Variants in PLCB4 observed in about 807,000 individuals in gnomAD.
The protein encoded by PLCB4 is 1-phosphatidylinositol 4,5-bisphosphate phosphodiesterase beta-4.
In PLCB4, 77 loss-of-function variants were observed where a neutral mutation model predicts 178.8. That is an observed-to-expected ratio of 0.43 (90% CI 0.36 to 0.52). The LOEUF (loss-of-function observed/expected upper bound fraction) is 0.52. PLCB4 is among the 20% of genes least tolerant of loss of function. PLCB4 has a pLI of 0.00. For missense variants in PLCB4, 1,024 were observed against 1,453.4 expected (o/e 0.70, Z 4.80); for synonymous variants, 496 against 490.8 (o/e 1.01, Z -0.14).
At chr20:9,135,745 C>G (rs1351761338) in intron 2 of PLCB4, among the ~76,000 whole-genome samples, 1 of 152,096 alleles carries the variant, frequency 6.6e-6, no homozygotes, top group Non-Finnish European at 1.5e-5. Flanking sequence ...TCTTTACTTT[C>G]TAAAATTTCT....
intron 2 of PLCB4, among the ~76,000 whole-genome samples, chr20:9,123,277 CTG>C (rs1296361019): frequency 1.3e-5 from 2 of 152,138 alleles, no homozygotes; most frequent in East Asian, 3.9e-4. Context: ...CTTTGAAAAT[CTG>C]TGTACTTTGA....
chr20:9,479,002 C>T lies in PLCB4; in HGVS notation c.3614C>T (p.Ala1205Val). ...AACAGTAGTATGAAACTCCAAAATGCAAACTGAAGCAGCAAACCCACAAAG... is the reference window on the plus strand; with the variant it reads ...AACAGTAGTATGAAACTCCAAAATGTAAACTGAAGCAGCAAACCCACAAAG... ...TSNSSMKLQN[A>V]N is the part of the protein sequence containing the mutation. Residue 1205 changes from alanine (A) to valine (V), a missense_variant, in exon 40 of 40, where the codon GCA becomes GTA. By Grantham distance (64) the Ala-to-Val change is moderately conservative. Transcript: ENST00000378473. The T allele has an allele frequency of 6.2e-7, 1 of 1,610,814 alleles. No individual in the cohort carries two copies. Among genetic ancestry groups the T allele is most frequent in the Non-Finnish European group, 8.5e-7 (1 of 1,177,272 alleles).
In PLCB4 at chr20:9,209,850, G is replaced by T. The variant is rs1426063436; in HGVS notation, c.-78-7540G>T. 2.0e-5 allele frequency among the ~76,000 whole-genome samples: 3 copies of T among 150,468 alleles called. No individual in the cohort carries two copies. In the East Asian group the frequency reaches 5.9e-4, roughly 30 times the overall value. On this transcript the variant is annotated intron_variant, in intron 2 of 39. Transcript: ENST00000378473. ...GTGGTGGCGGGCGCCTGTAGTCCCA[G>T]TTACTCGGGAAGCTGAGGCAGGAGA...
intron 4 of PLCB4, among the ~76,000 whole-genome samples, chr20:9,328,831 G>C (rs1383430608): frequency 2.0e-5 from 3 of 152,212 alleles, no homozygotes; most frequent in Non-Finnish European, 4.4e-5. Context: ...TCAGAGTGAG[G>C]TTAAGAGTGG....
At chr20:9,300,559 T>C (rs1322022992) in intron 3 of PLCB4, among the ~76,000 whole-genome samples, 2 of 152,140 alleles carry the variant, frequency 1.3e-5, no homozygotes, top group Non-Finnish European at 1.5e-5. Context: ...ATTGCTGAGA[T>C]GCAAAATTGT....
intron 2 of PLCB4, among the ~76,000 whole-genome samples, chr20:9,103,339 C>T (rs911635638): frequency 1.5e-4 from 23 of 152,174 alleles, no homozygotes; most frequent in African/African-American, 5.3e-4. Flanking sequence ...TTTTAAATAA[C>T]AGTGATAAAC....
intron 4 of PLCB4, among the ~76,000 whole-genome samples, chr20:9,309,335 T>A (rs75000656): frequency 0.019 from 2,957 of 152,306 alleles, 78 homozygotes; most frequent in African/African-American, 0.066. Context: ...GTTTGATTGG[T>A]GAACTCCTCT....
intron 3 of PLCB4, among the ~76,000 whole-genome samples, chr20:9,272,813 A>G (rs1601546046): frequency 6.6e-6 from 1 of 152,026 alleles, no homozygotes; most frequent in Admixed American, 6.6e-5. Flanking sequence ...TGGTGTCATG[A>G]AAAGGCTCTC....
chr20:9,331,688 A>C (rs1429232193), intron 4 of PLCB4, among the ~76,000 whole-genome samples: 1 of 152,194 alleles, frequency 6.6e-6, no homozygotes, highest in Non-Finnish European at 1.5e-5. Context: ...AGTAACTTGA[A>C]TCTTTGAAAA....
At chr20:9,249,260 G>A (rs1433108212) in intron 3 of PLCB4, among the ~76,000 whole-genome samples, 1 of 151,512 alleles carries the variant, frequency 6.6e-6, no homozygotes, top group Non-Finnish European at 1.5e-5. Flanking sequence ...TAGGGTACAT[G>A]TGCACAACAC....
rs997077542 is a variant in PLCB4 at position 9,194,548 on chromosome 20, C to T, written c.-78-22842C>T. ...CTAAAAATACAAAAAATTAGCCGGG[C>T]GTGGTGGCAGGCCAGGCGCCTGTAG... On this transcript the variant is annotated intron_variant, in intron 2 of 39. Coordinates refer to ENST00000378473, the MANE Select transcript of PLCB4 (RefSeq NM_001377142.1). Among the ~76,000 whole-genome samples the T allele has an allele frequency of 9.2e-5, 14 of 151,536 alleles. 1 individual carries two copies. Among genetic ancestry groups the T allele is most frequent in the Admixed American group, 6.6e-4 (10 of 15,218 alleles).
intron 4 of PLCB4, among the ~76,000 whole-genome samples, chr20:9,313,186 T>G (rs2094856627): frequency 6.6e-6 from 1 of 152,250 alleles, no homozygotes; most frequent in Non-Finnish European, 1.5e-5. Flanking sequence ...GTCATCAAAA[T>G]GATAATAATC....
intron 19 of PLCB4, among the ~76,000 whole-genome samples, chr20:9,398,409 T>G (rs1409997728): frequency 6.6e-6 from 1 of 152,178 alleles, no homozygotes; most frequent in Non-Finnish European, 1.5e-5. Context: ...AAAAATATAT[T>G]TATAGAACTG....
intron 25 of PLCB4, among the ~76,000 whole-genome samples, chr20:9,417,425 C>A (rs188728043): frequency 6.6e-6 from 1 of 152,222 alleles, no homozygotes; most frequent in Admixed American, 6.5e-5. Context: ...CTATTCTGAA[C>A]ATTTGATATA....
At chr20:9,404,066 C>T (rs531603551) in intron 20 of PLCB4, among the ~76,000 whole-genome samples, 66 of 152,214 alleles carry the variant, frequency 4.3e-4, no homozygotes, top group Non-Finnish European at 1.5e-5. Flanking sequence ...CCTGAGGAGT[C>T]AAGGGAGTGT....
At chr20:9,351,309 A>T (rs1007819614) in intron 7 of PLCB4, among the ~76,000 whole-genome samples, 1 of 152,020 alleles carries the variant, frequency 6.6e-6, no homozygotes, top group African/African-American at 2.4e-5. Context: ...TATTATTCTT[A>T]TGTGGATCTC....
intron 2 of PLCB4, among the ~76,000 whole-genome samples, chr20:9,201,714 TAAG>T (rs1347739810): frequency 6.6e-6 from 1 of 151,968 alleles, no homozygotes; most frequent in African/African-American, 2.4e-5. Flanking sequence ...ATGGCTAAAA[TAAG>T]AAGAAAAAAA....
intron 2 of PLCB4, among the ~76,000 whole-genome samples, chr20:9,136,401 T>C (rs944447625): frequency 6.6e-6 from 1 of 152,056 alleles, no homozygotes; most frequent in Non-Finnish European, 1.5e-5. Context: ...GCTGGGGCCC[T>C]TTTGGAGACT....
chr20:9,388,843 A>G (rs1306076448), intron 15 of PLCB4, among the ~76,000 whole-genome samples: 1 of 152,234 alleles, frequency 6.6e-6, no homozygotes, highest in Non-Finnish European at 1.5e-5. Flanking sequence ...CCAAGAGTAT[A>G]TTCAAGTGGG....
Sources: gnomAD v4.1 joint callset for allele counts (sites outside exome capture counted in the v4.1 genomes callset) on GRCh38, gnomAD v4.1.1 for gene constraint, MANE v1.5 for transcripts, NCBI Gene and HGNC (gene_info 2026-07-23, HGNC 2026-07-21) for gene names.